Variants in CHST12 observed in about 807,000 individuals in gnomAD.
CHST12 encodes carbohydrate (chondroitin 4) sulfotransferase 12.
CHST12 carries 23 observed loss-of-function variants against 27.9 expected under a neutral mutation model. That is an observed-to-expected ratio of 0.82 (90% confidence interval 0.59 to 1.17). The LOEUF (loss-of-function observed/expected upper bound fraction) is 1.17, where lower values mean the gene tolerates loss of function less well. Among genes scored for constraint, CHST12 ranks in the 50% most tolerant of loss-of-function variants. The pLI is 0.00. For missense variants in CHST12, 682 were observed against 603.0 expected (o/e 1.13, Z -1.37); for synonymous variants, 322 against 273.0 (o/e 1.18, Z -1.77).
chr7:2,412,047 C>T (rs1781681463), intron 1 of CHST12, among the ~76,000 whole-genome samples: 1 of 152,162 alleles, frequency 6.6e-6, no homozygotes, highest in Non-Finnish European at 1.5e-5. Context: ...AGCCTCTGTG[C>T]TCTAGGACCG....
chr7:2,408,997 G>A (rs1481350301), intron 1 of CHST12, among the ~76,000 whole-genome samples: 1 of 152,174 alleles, frequency 6.6e-6, no homozygotes, highest in African/African-American at 2.4e-5. Context: ...AGTTGGGGCG[G>A]GATTAGTGAT....
intron 1 of CHST12, among the ~76,000 whole-genome samples, chr7:2,411,360 G>A (rs1039550663): frequency 1.3e-5 from 2 of 152,114 alleles, no homozygotes; most frequent in African/African-American, 2.4e-5. Flanking sequence ...GGGATTACAG[G>A]CATCAGCCAC....
chr7:2,419,175 G>C (rs997624763), intron 1 of CHST12, among the ~76,000 whole-genome samples: 1 of 152,082 alleles, frequency 6.6e-6, no homozygotes, highest in African/African-American at 2.4e-5. Flanking sequence ...TTGGGAGGCC[G>C]AGGCAGGTAG....
rs547693926 is a variant in CHST12, at chr7:2,444,119, C to G, written c.*10235C>G. On this transcript the variant is annotated 3_prime_UTR_variant, in exon 2 of 2. Transcript: ENST00000618655. Reference sequence around the variant, plus strand: ...CTAAAACGGTGAAACCCCGTCTCTACTAAAAATACAAAAAATTAGCCGGGC... The same window carrying G: ...CTAAAACGGTGAAACCCCGTCTCTAGTAAAAATACAAAAAATTAGCCGGGC... 1 of 151,026 alleles carries G rather than the reference C, an allele frequency of 6.6e-6. No individual in the cohort carries two copies. The highest frequency in any genetic ancestry group is 2.4e-5 in the African/African-American group (1 of 41,100). The allele number at this position is 151,026 out of a possible 1,614,324, so 9.4% of individuals were successfully genotyped here.
intron 1 of CHST12, among the ~76,000 whole-genome samples, chr7:2,408,285 C>T (rs1486058071): frequency 2.7e-5 from 4 of 147,744 alleles, no homozygotes; most frequent in African/African-American, 1.0e-4. Flanking sequence ...TTGCTTGAAC[C>T]TGGGAGGCGG....
intron 1 of CHST12, among the ~76,000 whole-genome samples, chr7:2,425,546 C>A (rs764693637): frequency 2.0e-5 from 3 of 152,140 alleles, no homozygotes; most frequent in Non-Finnish European, 4.4e-5. Context: ...CCTGTGGCCA[C>A]CATTGTTTCT....
upstream of CHST12, chr7:2,403,566 G>A (rs1781438377): frequency 6.6e-6 from 1 of 151,428 alleles, no homozygotes; most frequent in Middle Eastern, 3.4e-3. Flanking sequence ...AGGGGCTCCT[G>A]CGCCGGGGGC....
chr7:2,425,470 A>G (rs972001457), intron 1 of CHST12, among the ~76,000 whole-genome samples: 13 of 152,152 alleles, frequency 8.5e-5, no homozygotes, highest in African/African-American at 3.1e-4. Context: ...GCCCTGCTCA[A>G]ACATCTAGAA....
chr7:2,433,353 C>T lies in CHST12; in HGVS notation c.714C>T (p.Tyr238=), dbSNP rs772660633. The change falls in exon 2 of 2, where the codon TAC becomes TAT. Residue 238 remains tyrosine (Y), a synonymous_variant. Coordinates refer to ENST00000618655, the MANE Select transcript of CHST12 (RefSeq NM_018641.5). This position sits in a 1 kb window ranked among gnomAD's most constrained non-coding sequence, Gnocchi z 6.1. ...TCATGAAGGTCAAGCTCAAGAAGTA[C>T]ACCAAGTTCCTCTTCGTGCGCGACC... ...RHLMKVKLKK[Y]TKFLFVRDPF... is the part of the protein sequence containing the mutation. 2 of 1,612,250 alleles carry T rather than the reference C, an allele frequency of 1.2e-6. No individual in the cohort carries two copies. The highest frequency in any genetic ancestry group is 2.2e-5 in the South Asian group (2 of 91,092).
intron 1 of CHST12, among the ~76,000 whole-genome samples, chr7:2,428,972 GC>G (rs531642079): frequency 6.6e-6 from 1 of 152,096 alleles, no homozygotes; most frequent in South Asian, 2.1e-4. Context: ...ATGGACAGGC[GC>G]CCCCCATGCG....
chr7:2,432,616 A>G lies in CHST12; in HGVS notation c.-24A>G, dbSNP rs1426857048. The G allele has an allele frequency of 1.3e-6, 2 of 1,590,396 alleles. No homozygotes were observed. The highest frequency in any genetic ancestry group is 1.7e-6 in the Non-Finnish European group (2 of 1,164,684). ...GGAAGCTGAAGTGAGAGGCCCGGAGAGGGCCCAGCCCGCCCGGGGCAGGAT... is the reference window on the plus strand; with the variant it reads ...GGAAGCTGAAGTGAGAGGCCCGGAGGGGGCCCAGCCCGCCCGGGGCAGGAT... On this transcript the variant is annotated 5_prime_UTR_variant, in exon 2 of 2. Transcript: ENST00000618655.
intron 1 of CHST12, among the ~76,000 whole-genome samples, chr7:2,423,836 G>T (rs1782038989): frequency 6.6e-6 from 1 of 152,244 alleles, no homozygotes; most frequent in South Asian, 2.1e-4. Context: ...AGAAGCAGAG[G>T]CGGGTAAATC....
chr7:2,418,634 A>T (rs906377703), intron 1 of CHST12, among the ~76,000 whole-genome samples: 3 of 152,174 alleles, frequency 2.0e-5, no homozygotes, highest in Non-Finnish European at 4.4e-5. Context: ...AGCAGGTGGG[A>T]TCATGACCGC....
In CHST12 at chr7:2,437,147, T is replaced by G. The variant is rs1782492778; in HGVS notation, c.*3263T>G. 1 of 152,230 alleles carries G rather than the reference T, an allele frequency of 6.6e-6. No homozygotes were observed. The allele number at this position is 152,230 out of a possible 1,614,324, so 9.4% of individuals were successfully genotyped here. ...CAACTGGAAAATTTAACCATAAACTTAAAACTCTTTTACCCTGTTGGCCCC... is the reference window on the plus strand; with the variant it reads ...CAACTGGAAAATTTAACCATAAACTGAAAACTCTTTTACCCTGTTGGCCCC... On this transcript the variant is annotated 3_prime_UTR_variant, in exon 2 of 2. Coordinates refer to ENST00000618655, the MANE Select transcript of CHST12 (RefSeq NM_018641.5).
intron 1 of CHST12, 70 bp from the exon 2 acceptor site, chr7:2,432,493 C>A: frequency 1.1e-6 from 1 of 945,722 alleles, no homozygotes. Flanking sequence ...CAGTCCCCCA[C>A]TGATCAGAAG....
In CHST12 at chr7:2,439,349, G is replaced by A. The variant is rs1343339218; in HGVS notation, c.*5465G>A. 1 of 152,004 alleles carries A rather than the reference G, an allele frequency of 6.6e-6. No homozygotes were observed. The highest frequency in any genetic ancestry group is 6.6e-5 in the Admixed American group (1 of 15,252). The allele number at this position is 152,004 out of a possible 1,614,324, so 9.4% of individuals were successfully genotyped here. Reference sequence around the variant, plus strand: ...GGGATAGGTGAGGCTCTCCTATTGGGATACCATTTCACCAGCAGAGAGATT... The same window carrying A: ...GGGATAGGTGAGGCTCTCCTATTGGAATACCATTTCACCAGCAGAGAGATT... On this transcript the variant is annotated 3_prime_UTR_variant, in exon 2 of 2. Transcript: ENST00000618655.
Position 2,444,690 on chromosome 7 carries a change from A to C in CHST12, c.*10806A>C, listed in dbSNP as rs1008644444. The C allele has an allele frequency of 1.3e-5, 2 of 152,274 alleles. No individual in the cohort carries two copies. The highest frequency in any genetic ancestry group is 4.8e-5 in the African/African-American group (2 of 41,446). The allele number at this position is 152,274 out of a possible 1,614,324, so 9.4% of individuals were successfully genotyped here. A position where few individuals can be genotyped will look rare whatever the true frequency, so the allele number is the denominator to read the frequency against. ...GGTTCTGGAATGGGTTTTTCCGCCC[A>C]CAGGCACTCAAGGAGGACAGCATTG... is the stretch of plus-strand genomic sequence containing the variant. On this transcript the variant is annotated 3_prime_UTR_variant, in exon 2 of 2. Coordinates refer to ENST00000618655, the MANE Select transcript of CHST12 (RefSeq NM_018641.5).
intron 1 of CHST12, among the ~76,000 whole-genome samples, chr7:2,428,509 G>A (rs1251620743): frequency 6.6e-6 from 1 of 152,160 alleles, no homozygotes; most frequent in African/African-American, 2.4e-5. Context: ...TCCGGGGGGT[G>A]ACCGCCTTCT....
At chr7:2,404,831 A>G (rs1781481242) in intron 1 of CHST12, among the ~76,000 whole-genome samples, 1 of 152,228 alleles carries the variant, frequency 6.6e-6, no homozygotes, top group South Asian at 2.1e-4. Context: ...GTCTGCTGTC[A>G]CTCAGCTGAC....
Sources: allele counts gnomAD v4.1 joint callset (sites outside exome capture counted in the v4.1 genomes callset), GRCh38; gene constraint gnomAD v4.1.1; non-coding constraint Gnocchi (gnomAD v3.1); transcripts MANE v1.5; gene names NCBI Gene and HGNC (gene_info 2026-07-23, HGNC 2026-07-21).